Variants in SYCP2L observed in about 807,000 individuals in gnomAD.
SYCP2L encodes the protein synaptonemal complex protein 2 like, also known as synaptonemal complex protein 2-like.
A neutral mutation model predicts 125.8 loss-of-function variants in SYCP2L; 98 were observed. The observed-to-expected ratio is 0.78, with a 90% CI of 0.66 to 0.92. The LOEUF (loss-of-function observed/expected upper bound fraction) is 0.92. SYCP2L is among the 40% of genes least tolerant of loss of function. The pLI is 0.00. For synonymous variants in SYCP2L, 317 were observed against 325.4 expected, an observed-to-expected ratio of 0.97 and a Z score of 0.28; for missense variants, 842 against 936.4, an observed-to-expected ratio of 0.90 and a Z score of 1.32.
At chr6:10,941,364 C>T in intron 21 of SYCP2L, among the ~76,000 whole-genome samples, 1 of 152,112 alleles carries the variant, frequency 6.6e-6, no homozygotes, top group East Asian at 1.9e-4. Flanking sequence ...AGTGAACAGG[C>T]AACCTACAGA....
At chr6:10,938,498 C>T (rs1431408754) in intron 21 of SYCP2L, among the ~76,000 whole-genome samples, 2 of 152,098 alleles carry the variant, frequency 1.3e-5, no homozygotes, top group Non-Finnish European at 1.5e-5. Context: ...ATCAGGAATA[C>T]GACAAAGGTG....
rs1440750384 is a variant in SYCP2L at position 10,910,018 on chromosome 6, T to C, written c.820-130T>C. The C allele has an allele frequency of 9.0e-6, 6 of 667,520 alleles. No homozygotes were observed. The Admixed American group carries it at 1.6e-4, about 18-fold the overall frequency. The allele number at this position is 667,520 out of a possible 1,614,324, so 41.3% of individuals were successfully genotyped here. On this transcript the variant is annotated intron_variant, in intron 10 of 29. Coordinates refer to ENST00000283141, the MANE Select transcript of SYCP2L (RefSeq NM_001040274.3). ...TTGTTAACATATAATAACAAATCCT[T>C]GTAAAGCCTCATTGATGTTACTGCC...
chr6:10,908,991 G>A (rs982533226), intron 10 of SYCP2L, among the ~76,000 whole-genome samples: 1 of 152,190 alleles, frequency 6.6e-6, no homozygotes, highest in South Asian at 2.1e-4. Context: ...AGGCGCTCAC[G>A]TGTTAATTTC....
At position 10,912,836 on chromosome 6, in the gene SYCP2L, C is replaced by G. The variant is rs1255296017; in HGVS notation, c.1012-31C>G. ...TTTTTATGTAAGTATGTGTTTTGCACTCATGAATTTCACTTATTTATTTTC... is the reference window on the plus strand; with the variant it reads ...TTTTTATGTAAGTATGTGTTTTGCAGTCATGAATTTCACTTATTTATTTTC... On this transcript the variant is annotated intron_variant, in intron 13 of 29. Transcript: ENST00000283141. The surrounding 1 kb of genome is among the most constrained non-coding windows in gnomAD (Gnocchi z 4.1). 1 of 1,611,826 alleles carries G rather than the reference C, an allele frequency of 6.2e-7. No individual in the cohort carries two copies. Among genetic ancestry groups the G allele is most frequent in the South Asian group, 1.1e-5 (1 of 90,948 alleles).
At position 10,957,535 on chromosome 6, in the gene SYCP2L, G is replaced by A. The variant is rs139488709; in HGVS notation, c.2164-1249G>A. The stretch of plus-strand genomic sequence containing the variant: ...TGGGCTAGAGAGGAGTCTGGGGCCG[G>A]GCATGGTGATTCATGCCTGTGGATC... On this transcript the variant is annotated intron_variant, in intron 25 of 29. Transcript: ENST00000283141. 7.7e-4 allele frequency among the ~76,000 whole-genome samples: 118 copies of A among 152,286 alleles called. 1 individual carries two copies. The East Asian group carries it at 0.017, about 22-fold the overall frequency.
Position 10,902,782 on chromosome 6 carries a change from A to G in SYCP2L, c.552+20A>G. 1.2e-6 allele frequency: 2 copies of G among 1,613,352 alleles called. No homozygotes were observed. Among genetic ancestry groups the G allele is most frequent in the Non-Finnish European group, 1.7e-6 (2 of 1,179,336 alleles). ...CAGGAGGTGAGTTGCAAGTAACAAA[A>G]CAGGTAATAGTGGTTCCAGAAACCT... On this transcript the variant is annotated intron_variant, in intron 7 of 29. Coordinates refer to ENST00000283141, the MANE Select transcript of SYCP2L (RefSeq NM_001040274.3).
chr6:10,907,899 T>TTTTTTTTTTTTTTTTTTTTTTG (rs1780528648), intron 10 of SYCP2L, among the ~76,000 whole-genome samples: 1 of 129,992 alleles, frequency 7.7e-6, no homozygotes, highest in Non-Finnish European at 1.6e-5. Context: ...TAGGTTTTTT[T>TTTTTTTTTTTTTTTTTTTTTTG]TTTTTTTTTT....
rs772460125 is a variant in SYCP2L, at chr6:10,926,301, G to A, written c.1219-38G>A. The A allele has an allele frequency of 5.0e-6, 7 of 1,390,180 alleles. No individual in the cohort carries two copies. In the African/African-American group the frequency reaches 8.8e-5, roughly 17 times the overall value. 86.1% of individuals were successfully genotyped at this position (1,390,180 alleles called of 1,614,324 possible). A position where few individuals can be genotyped will look rare whatever the true frequency, so the allele number is the denominator to read the frequency against. On this transcript the variant is annotated intron_variant, in intron 15 of 29. Transcript: ENST00000283141. ...CTTAAATTTTTTTTTTTTTAAAGATGACTACATTTCAAAGTTGACCTTTGT... is the reference window on the plus strand; with the variant it reads ...CTTAAATTTTTTTTTTTTTAAAGATAACTACATTTCAAAGTTGACCTTTGT...
At chr6:10,939,023 C>T (rs112337440) in intron 21 of SYCP2L, among the ~76,000 whole-genome samples, 2 of 151,640 alleles carry the variant, frequency 1.3e-5, no homozygotes, top group Admixed American at 6.6e-5. Flanking sequence ...AGGAGGCTGA[C>T]GCGGGAGAAT....
At chr6:10,945,769 TAA>T (rs56943517) in intron 23 of SYCP2L, among the ~76,000 whole-genome samples, 34,872 of 92,844 alleles carry the variant, frequency 0.38, 6,247 homozygotes, top group Non-Finnish European at 0.44. Flanking sequence ...GACTCCATCT[TAA>T]AAAAAAAAAA....
intron 29 of SYCP2L, among the ~76,000 whole-genome samples, chr6:10,964,360 A>G (rs1781644240): frequency 6.6e-6 from 1 of 152,144 alleles, no homozygotes; most frequent in Admixed American, 6.5e-5. Flanking sequence ...CCCTGCATCA[A>G]TCACTATGAT....
intron 10 of SYCP2L, among the ~76,000 whole-genome samples, chr6:10,907,892 G>GTTTTTTTTTTTGTTTTTTTTTTTTTTTTT (rs1554105094): frequency 1.1e-5 from 1 of 91,922 alleles, no homozygotes; most frequent in African/African-American, 4.1e-5. Flanking sequence ...ATACAGATAG[G>GTTTTTTTTTTTGTTTTTTTTTTTTTTTTT]TTTTTTTTTT....
chr6:10,936,418 A>T (rs1038061960), intron 21 of SYCP2L, among the ~76,000 whole-genome samples: 4 of 151,884 alleles, frequency 2.6e-5, no homozygotes, highest in Non-Finnish European at 4.4e-5. Context: ...AATTGCTTGA[A>T]CCGGGAGGCA....
chr6:10,894,825 C>A (rs1780229811), intron 4 of SYCP2L, among the ~76,000 whole-genome samples: 1 of 152,054 alleles, frequency 6.6e-6, no homozygotes. Context: ...TTTTTGCAGC[C>A]CAGAGGCAAG....
At chr6:10,961,760 G>T (rs1180549063) in intron 28 of SYCP2L, among the ~76,000 whole-genome samples, 1 of 152,080 alleles carries the variant, frequency 6.6e-6, no homozygotes, top group Non-Finnish European at 1.5e-5. Context: ...ATCTTGAAAA[G>T]CCTGATGTCC....
At chr6:10,901,350 A>C (rs1181931951) in intron 6 of SYCP2L, among the ~76,000 whole-genome samples, 1 of 152,114 alleles carries the variant, frequency 6.6e-6, no homozygotes, top group African/African-American at 2.4e-5. Context: ...CTTTTATACA[A>C]TATTACTCTC....
intron 20 of SYCP2L, 106 bp from the exon 21 acceptor site, chr6:10,934,952 T>G: frequency 9.4e-6 from 10 of 1,067,720 alleles, no homozygotes; most frequent in Non-Finnish European, 1.3e-5. Context: ...ATGGAGTAAA[T>G]CTAATACTTA....
chr6:10,927,677 A>G (rs553697073), intron 17 of SYCP2L, among the ~76,000 whole-genome samples: 11 of 152,290 alleles, frequency 7.2e-5, no homozygotes, highest in African/African-American at 2.6e-4. Flanking sequence ...TTGCTAATGA[A>G]GTTTCGGGCA....
intron 18 of SYCP2L, among the ~76,000 whole-genome samples, chr6:10,929,276 T>A (rs981436117): frequency 1.3e-5 from 2 of 152,186 alleles, no homozygotes; most frequent in Non-Finnish European, 2.9e-5. Context: ...ATTTCTTCAT[T>A]TGGGATCTAG....
Sources: allele counts gnomAD v4.1 joint callset (sites outside exome capture counted in the v4.1 genomes callset), GRCh38; gene constraint gnomAD v4.1.1; non-coding constraint Gnocchi (gnomAD v3.1); transcripts MANE v1.5; gene names NCBI Gene and HGNC (gene_info 2026-07-23, HGNC 2026-07-21).